The following RTL4 variants were observed in gnomAD, a reference collection of about 807,000 sequenced individuals.
RTL4 encodes retrotransposon Gag like 4, also known as retrotransposon Gag-like protein 4.
RTL4 carries 4 observed loss-of-function variants against 5.3 expected under a neutral mutation model. The observed-to-expected ratio is 0.75, with a 90% CI of 0.37 to 1.72. RTL4 has a LOEUF of 1.72. Ranked by LOEUF, RTL4 falls within the 40% of genes most tolerant of loss-of-function variation. The pLI is 0.04. For synonymous variants in RTL4, 98 were observed against 87.3 expected, an observed-to-expected ratio of 1.12 and a Z score of -0.68; for missense variants, 260 against 227.1, an observed-to-expected ratio of 1.14 and a Z score of -0.93.
the RTL4 span, among the ~76,000 whole-genome samples, chrX:112,310,987 G>T: frequency 4.2e-4 from 44 of 104,220 alleles, no homozygotes; most frequent in Non-Finnish European, 6.2e-4. Context: ...TGACCTCCTG[G>T]GAGGTATTTT....
At chrX:112,145,979 G>A in the RTL4 span, among the ~76,000 whole-genome samples, 1 of 112,242 alleles carries the variant, frequency 8.9e-6, no homozygotes, top group Admixed American at 9.5e-5. Context: ...AAGGCACTGT[G>A]GGATGTTTTA....
the RTL4 span, among the ~76,000 whole-genome samples, chrX:112,350,853 T>G: frequency 1.8e-5 from 2 of 111,630 alleles, 1 homozygote; most frequent in African/African-American, 6.5e-5. Context: ...GGGTTTTTTG[T>G]GTCTCTATTT....
chrX:112,322,565 A>AT, the RTL4 span, among the ~76,000 whole-genome samples: 1 of 111,311 alleles, frequency 9.0e-6, no homozygotes, highest in Non-Finnish European at 1.9e-5. Context: ...GTAGAGATAT[A>AT]TATACATGAA....
At chrX:112,112,851 T>A in the RTL4 span, among the ~76,000 whole-genome samples, 1 of 110,956 alleles carries the variant, frequency 9.0e-6, no homozygotes, top group Non-Finnish European at 1.9e-5. Context: ...AAACTGGGAG[T>A]CAGAGTGCAG....
At chrX:112,327,845 C>A in the RTL4 span, among the ~76,000 whole-genome samples, 3 of 111,128 alleles carry the variant, frequency 2.7e-5, no homozygotes, top group Non-Finnish European at 3.8e-5. Flanking sequence ...GAGTTGGGGC[C>A]AATATTCAAC....
the RTL4 span, among the ~76,000 whole-genome samples, chrX:112,168,957 T>TTC: frequency 9.3e-6 from 1 of 108,069 alleles, no homozygotes; most frequent in African/African-American, 3.4e-5. Flanking sequence ...CTTTCTTTCT[T>TTC]TCTTTCTTTT....
the RTL4 span, among the ~76,000 whole-genome samples, chrX:112,390,445 C>A: frequency 9.5e-6 from 1 of 105,795 alleles, no homozygotes; most frequent in African/African-American, 3.5e-5. Context: ...CGGTGAGACT[C>A]TGTTTCAAAA....
the RTL4 span, among the ~76,000 whole-genome samples, chrX:112,285,128 T>C: frequency 8.9e-6 from 1 of 111,956 alleles, no homozygotes; most frequent in Non-Finnish European, 1.9e-5. Context: ...TTGGGGAGCT[T>C]GTATCTTTGA....
the RTL4 span, among the ~76,000 whole-genome samples, chrX:112,306,194 G>A: frequency 1.1e-3 from 124 of 111,027 alleles, no homozygotes; most frequent in Non-Finnish European, 1.8e-3. Context: ...TCTATATCTC[G>A]CCCCACCCAG....
chrX:112,121,612 A>G, the RTL4 span, among the ~76,000 whole-genome samples: 1 of 111,828 alleles, frequency 8.9e-6, no homozygotes, highest in Non-Finnish European at 1.9e-5. Context: ...ATGATAACAA[A>G]TCAGAGAAGT....
the RTL4 span, among the ~76,000 whole-genome samples, chrX:112,404,813 T>C: frequency 8.9e-6 from 1 of 112,492 alleles, no homozygotes; most frequent in African/African-American, 3.2e-5. Flanking sequence ...ATTTTTTGGG[T>C]CTATTTCCCT....
the RTL4 span, among the ~76,000 whole-genome samples, chrX:112,122,819 A>C: frequency 9.0e-6 from 1 of 111,511 alleles, no homozygotes; most frequent in Admixed American, 9.5e-5. Context: ...TTATGTGTTT[A>C]TATGCCTGTA....
chrX:112,332,969 G>T, the RTL4 span, among the ~76,000 whole-genome samples: 1 of 110,829 alleles, frequency 9.0e-6, no homozygotes, highest in Non-Finnish European at 1.9e-5. Context: ...TTTGTTGGTT[G>T]ATGCTGTTAT....
the RTL4 span, among the ~76,000 whole-genome samples, chrX:112,129,686 T>C: frequency 8.9e-6 from 1 of 111,889 alleles, no homozygotes; most frequent in African/African-American, 3.2e-5. Flanking sequence ...GGCATCCAGA[T>C]GGGAAACAAA....
chrX:112,401,749 C>G, the RTL4 span, among the ~76,000 whole-genome samples: 1 of 111,708 alleles, frequency 9.0e-6, no homozygotes, highest in Non-Finnish European at 1.9e-5. Flanking sequence ...ATGCTATAGC[C>G]TAACAAACTT....
chrX:112,325,450 T>G, the RTL4 span, among the ~76,000 whole-genome samples: 7 of 111,451 alleles, frequency 6.3e-5, no homozygotes, highest in East Asian at 8.4e-4. Flanking sequence ...TACCAAAACA[T>G]TGATATAGAC....
chrX:112,372,421 A>G, the RTL4 span, among the ~76,000 whole-genome samples: 1 of 111,517 alleles, frequency 9.0e-6, no homozygotes. Context: ...ATTACAAACA[A>G]TGTTACTATG....
At chrX:112,250,946 T>A in the RTL4 span, among the ~76,000 whole-genome samples, 1 of 112,153 alleles carries the variant, frequency 8.9e-6, no homozygotes, top group African/African-American at 3.2e-5. Flanking sequence ...TCATTCAAGA[T>A]CATTATCTTG....
chrX:112,342,980 A>G, the RTL4 span, among the ~76,000 whole-genome samples: 1 of 111,343 alleles, frequency 9.0e-6, no homozygotes, highest in Non-Finnish European at 1.9e-5. Context: ...GTGCGCCTGT[A>G]GTCCCAGCTA....
Sources: gnomAD v4.1 joint callset for allele counts (sites outside exome capture counted in the v4.1 genomes callset) on GRCh38, gnomAD v4.1.1 for gene constraint, MANE v1.5 for transcripts, NCBI Gene and HGNC (gene_info 2026-07-23, HGNC 2026-07-21) for gene names.